Variants in MDGA2 observed in about 807,000 individuals in gnomAD.
MDGA2 encodes the protein MAM domain-containing glycosylphosphatidylinositol anchor protein 2.
Under a neutral mutation model 117.8 loss-of-function variants are expected in MDGA2, and 40 were observed. That is an observed-to-expected ratio of 0.34 (90% CI 0.26 to 0.44). The LOEUF (loss-of-function observed/expected upper bound fraction) is 0.44. MDGA2 is among the 20% of genes least tolerant of loss of function. The probability of loss-of-function intolerance (pLI) is 1.00; values close to 1 mark genes in which losing one functional copy is unlikely to be tolerated. For missense variants in MDGA2, 1,123 were observed against 1,250.6 expected (o/e 0.90, Z 1.54); for synonymous variants, 452 against 439.0 (o/e 1.03, Z -0.37).
At position 47,026,585 on chromosome 14, in the gene MDGA2, GATTT is replaced by G. The variant is rs1330780031; in HGVS notation, c.1819+8422_1819+8425del. ...TATATTATTGTTCACCTTTATGTGT[GATTT>G]ATTATAATCATTTATTATTATTACC... On this transcript the variant is annotated intron_variant, in intron 8 of 16. Coordinates refer to ENST00000399232, the MANE Select transcript of MDGA2 (RefSeq NM_001113498.3). Among the ~76,000 whole-genome samples, 5 of 152,062 alleles carry G rather than the reference GATTT, an allele frequency of 3.3e-5. No homozygotes were observed. In the East Asian group the frequency reaches 9.7e-4, roughly 29 times the overall value.
At chr14:47,134,033 T>G (rs567482344) in intron 4 of MDGA2, among the ~76,000 whole-genome samples, 1 of 152,252 alleles carries the variant, frequency 6.6e-6, no homozygotes, top group Admixed American at 6.5e-5. Flanking sequence ...GGTATACAAC[T>G]GTGCTTTGAT....
chr14:47,661,083 TTAAGA>T (rs1265916776), intron 1 of MDGA2, among the ~76,000 whole-genome samples: 1 of 152,198 alleles, frequency 6.6e-6, no homozygotes, highest in Non-Finnish European at 1.5e-5. Flanking sequence ...TATATACTGT[TTAAGA>T]TAATTTTCAT....
intron 3 of MDGA2, among the ~76,000 whole-genome samples, chr14:47,158,743 C>T (rs183895438): frequency 1.4e-4 from 22 of 152,278 alleles, no homozygotes; most frequent in South Asian, 4.1e-4. Context: ...GCGTGAGCAA[C>T]GCCCAGCTAG....
chr14:47,197,229 A>C (rs1885319683), intron 3 of MDGA2, among the ~76,000 whole-genome samples: 2 of 152,144 alleles, frequency 1.3e-5, no homozygotes, highest in South Asian at 4.1e-4. Context: ...TTATATGTTG[A>C]AATCTCAACC....
At chr14:46,897,194 C>G (rs1883108651) in intron 10 of MDGA2, among the ~76,000 whole-genome samples, 1 of 152,066 alleles carries the variant, frequency 6.6e-6, no homozygotes, top group Non-Finnish European at 1.5e-5. Flanking sequence ...TACTAACATA[C>G]TTATATTTAC....
chr14:47,107,164 C>A, intron 5 of MDGA2, among the ~76,000 whole-genome samples: 1 of 151,622 alleles, frequency 6.6e-6, no homozygotes, highest in Non-Finnish European at 1.5e-5. Context: ...TTACCCCACT[C>A]AAGGCCAATA....
intron 1 of MDGA2, among the ~76,000 whole-genome samples, chr14:47,349,486 G>A (rs1391881853): frequency 6.6e-6 from 1 of 152,114 alleles, no homozygotes; most frequent in Non-Finnish European, 1.5e-5. Flanking sequence ...AAATTAGTTA[G>A]GTTGAAATAA....
intron 7 of MDGA2, among the ~76,000 whole-genome samples, chr14:47,038,895 A>C (rs1888960010): frequency 1.3e-5 from 2 of 151,542 alleles, no homozygotes; most frequent in Non-Finnish European, 2.9e-5. Context: ...GGCTGCAGTG[A>C]GCCAAGATCA....
intron 2 of MDGA2, among the ~76,000 whole-genome samples, chr14:47,275,960 G>A (rs1335296960): frequency 6.6e-6 from 1 of 152,032 alleles, no homozygotes; most frequent in Non-Finnish European, 1.5e-5. Flanking sequence ...TGTCTCAAGC[G>A]AAAAATTCAA....
chr14:47,383,477 C>T (rs1594828985), intron 1 of MDGA2, among the ~76,000 whole-genome samples: 1 of 152,242 alleles, frequency 6.6e-6, no homozygotes, highest in Admixed American at 6.5e-5. Flanking sequence ...TAATAAAATT[C>T]TGTGTGGAAA....
chr14:46,989,929 C>T (rs1263829227), intron 8 of MDGA2, among the ~76,000 whole-genome samples: 1 of 151,992 alleles, frequency 6.6e-6, no homozygotes, highest in East Asian at 1.9e-4. Flanking sequence ...TCAATTTATC[C>T]ATATTATGAA....
intron 1 of MDGA2, among the ~76,000 whole-genome samples, chr14:47,564,744 G>C (rs1895883909): frequency 6.6e-6 from 1 of 152,158 alleles, no homozygotes; most frequent in Non-Finnish European, 1.5e-5. Context: ...CTCTGTCGGG[G>C]ATGTCAATGA....
chr14:47,182,440 T>A (rs1161493891), intron 3 of MDGA2, among the ~76,000 whole-genome samples: 2 of 151,920 alleles, frequency 1.3e-5, no homozygotes, highest in Non-Finnish European at 1.5e-5. Flanking sequence ...GGGATCCTCA[T>A]AAGAAGAGGA....
rs141472999 is a variant in MDGA2 at position 47,534,058 on chromosome 14, G to T, written c.280+140459C>A. 1.9e-3 allele frequency among the ~76,000 whole-genome samples: 291 copies of T among 151,936 alleles called. 2 individuals are homozygous for T. In the East Asian group the frequency reaches 0.043, roughly 22 times the overall value. Reference sequence around the variant, plus strand: ...AAATGGGTCTGGATATGTGTAGGGAGCCTCATGTAACTTAGAAAACTACTG... The same window carrying T: ...AAATGGGTCTGGATATGTGTAGGGATCCTCATGTAACTTAGAAAACTACTG... On this transcript the variant is annotated intron_variant, in intron 1 of 16. Transcript: ENST00000399232.
intron 1 of MDGA2, among the ~76,000 whole-genome samples, chr14:47,327,170 G>C (rs993217375): frequency 2.0e-5 from 3 of 152,290 alleles, no homozygotes; most frequent in African/African-American, 7.2e-5. Flanking sequence ...CTCCCTAAAA[G>C]AGGAAGTTAG....
intron 5 of MDGA2, among the ~76,000 whole-genome samples, chr14:47,105,571 A>G (rs976647580): frequency 6.6e-6 from 1 of 151,944 alleles, no homozygotes; most frequent in Admixed American, 6.6e-5. Flanking sequence ...TACAAACTCG[A>G]CAGTAGTTCC....
intron 3 of MDGA2, among the ~76,000 whole-genome samples, chr14:47,183,140 GT>G: frequency 6.6e-6 from 1 of 152,200 alleles, no homozygotes; most frequent in African/African-American, 2.4e-5. Context: ...GCTCATCCCT[GT>G]TTTTCCAGGG....
intron 2 of MDGA2, among the ~76,000 whole-genome samples, chr14:47,266,909 C>G (rs1407302936): frequency 1.3e-5 from 2 of 152,164 alleles, no homozygotes; most frequent in Non-Finnish European, 2.9e-5. Context: ...AGAACATCCC[C>G]ATTCAAAACA....
chr14:47,126,479 G>C (rs1881909310), intron 5 of MDGA2, among the ~76,000 whole-genome samples: 1 of 152,040 alleles, frequency 6.6e-6, no homozygotes, highest in Non-Finnish European at 1.5e-5. Context: ...CAAGAAATGG[G>C]AGTCAACAAA....
Sources: allele counts gnomAD v4.1 joint callset (sites outside exome capture counted in the v4.1 genomes callset), GRCh38; gene constraint gnomAD v4.1.1; transcripts MANE v1.5; gene names NCBI Gene and HGNC (gene_info 2026-07-23, HGNC 2026-07-21).